The following SLC6A20 variants were observed in gnomAD, a reference collection of about 807,000 sequenced individuals.
The protein encoded by SLC6A20 is solute carrier family 6 member 20.
SLC6A20 carries 73 observed loss-of-function variants against 64.3 expected under a neutral mutation model. The ratio of observed to expected loss-of-function variants is 1.14; its 90% CI spans 0.94 to 1.38. SLC6A20 has a LOEUF of 1.38. Among genes scored for constraint, SLC6A20 ranks in the 40% most tolerant of loss-of-function variants. The pLI is 0.00. For missense variants in SLC6A20, 725 were observed against 772.8 expected, an observed-to-expected ratio of 0.94 and a Z score of 0.73; for synonymous variants, 347 against 329.6, an observed-to-expected ratio of 1.05 and a Z score of -0.57.
Position 45,775,957 on chromosome 3 carries a change from T to G in SLC6A20, c.386A>C (p.Asn129Thr). 1 of 1,614,204 alleles carries G rather than the reference T, an allele frequency of 6.2e-7. No individual in the cohort carries two copies. The highest frequency in any genetic ancestry group is 1.1e-5 in the South Asian group (1 of 91,074). Residue 129 changes from asparagine (N) to threonine (T), a missense_variant, in exon 4 of 11, where the codon AAT becomes ACT. Asn to Thr is a moderately conservative substitution (Grantham distance 65). Coordinates refer to ENST00000358525, the MANE Select transcript of SLC6A20 (RefSeq NM_020208.4). ...CTCATCGTAGCCCGTGTGGTTACCA[T>G]TCAGTGGGCAGACAGACCACGGCAG... ...DPLPWSVCPL[N>T]GNHTGYDEEC...
In SLC6A20 at chr3:45,782,186, C is replaced by T. The variant is rs1553664042; in HGVS notation, c.159G>A (p.Val53=). The change falls in exon 2 of 11, where the codon GTG becomes GTA. Residue 53 remains valine, a synonymous_variant. Coordinates refer to ENST00000358525, the MANE Select transcript of SLC6A20 (RefSeq NM_020208.4). ...FLVPYIIMLI[V]EGMPLLYLEL... is the part of the protein sequence containing the mutation. The stretch of plus-strand genomic sequence containing the variant: ...CCAGGTACAAGAGCGGCATTCCCTC[C>T]ACGATAAGCATGATGATGTAGGGGA... 10 of 1,613,934 alleles carry T rather than the reference C, an allele frequency of 6.2e-6. No individual in the cohort carries two copies. In the South Asian group the frequency reaches 1.1e-4, roughly 18 times the overall value.
intron 3 of SLC6A20, among the ~76,000 whole-genome samples, chr3:45,779,401 T>C (rs1317181581): frequency 6.6e-6 from 1 of 152,222 alleles, no homozygotes; most frequent in African/African-American, 2.4e-5. Context: ...CCCCTTCCAC[T>C]TTTCTACAGA....
At chr3:45,791,231 T>A (rs1015156183) in intron 1 of SLC6A20, among the ~76,000 whole-genome samples, 2 of 152,216 alleles carry the variant, frequency 1.3e-5, no homozygotes, top group African/African-American at 2.4e-5. Context: ...ATTTACTGAA[T>A]GACTTAAATT....
In SLC6A20 at chr3:45,765,696, T is replaced by C; in HGVS notation, c.1144A>G (p.Ile382Val). Residue 382 changes from isoleucine to valine, a missense_variant, in exon 8 of 11, where the codon ATT becomes GTT. Ile to Val is a conservative substitution (Grantham distance 29). Coordinates refer to ENST00000358525, the MANE Select transcript of SLC6A20 (RefSeq NM_020208.4). The surrounding 1 kb of genome is among the most constrained non-coding windows in gnomAD (Gnocchi z 4.2). ...AGCTGGGACACCTCCATGTTTTTAATGGCCTCTGTGTAGACGATGAATGCC... is the reference window on the plus strand; with the variant it reads ...AGCTGGGACACCTCCATGTTTTTAACGGCCTCTGTGTAGACGATGAATGCC... ...GLAFIVYTEA[I>V]KNMEVSQLWS... The C allele has an allele frequency of 6.2e-7, 1 of 1,614,212 alleles. No homozygotes were observed. Among genetic ancestry groups the C allele is most frequent in the Non-Finnish European group, 8.5e-7 (1 of 1,180,042 alleles).
chr3:45,771,592 C>G, intron 5 of SLC6A20, 134 bp from the exon 6 acceptor site: 2 of 1,411,818 alleles, frequency 1.4e-6, no homozygotes, highest in Non-Finnish European at 1.9e-6. Context: ...ACCCCTAGGG[C>G]TGGAGACCAG....
In SLC6A20 at chr3:45,760,002, G is replaced by A; in HGVS notation, c.1484C>T (p.Ala495Val). The A allele has an allele frequency of 6.2e-7, 1 of 1,611,126 alleles. No homozygotes were observed. The highest frequency in any genetic ancestry group is 8.5e-7 in the Non-Finnish European group (1 of 1,179,134). ...CCAGCTCACAGCTCGGCCGGTCATG[G>A]CCTTAAGGTCACTTTCAAATCTATT... ...GLRRFESDLK[A>V]MTGRAVSWYW... The change falls in exon 10 of 11, where the codon GCC (alanine) becomes GTC (valine). Residue 495 changes from alanine to valine, a missense_variant. Coordinates refer to ENST00000358525, the MANE Select transcript of SLC6A20 (RefSeq NM_020208.4).
rs1699596782 is a variant in SLC6A20, at chr3:45,758,913, C to T, written c.*65G>A. On this transcript the variant is annotated 3_prime_UTR_variant, in exon 11 of 11. Coordinates refer to ENST00000358525, the MANE Select transcript of SLC6A20 (RefSeq NM_020208.4). ...CTCCTGGCTTAAGCATTTGAAAAAGCAGCCGAGGAGTTTCCGCCTGTAAAT... is the reference window on the plus strand; with the variant it reads ...CTCCTGGCTTAAGCATTTGAAAAAGTAGCCGAGGAGTTTCCGCCTGTAAAT... 2 of 1,505,150 alleles carry T rather than the reference C, an allele frequency of 1.3e-6. No individual in the cohort carries two copies. Among genetic ancestry groups the T allele is most frequent in the East Asian group, 2.3e-5 (1 of 42,844 alleles). 93.2% of individuals were successfully genotyped at this position (1,505,150 alleles called of 1,614,324 possible). A position where few individuals can be genotyped will look rare whatever the true frequency, so the allele number is the denominator to read the frequency against.
In SLC6A20 at chr3:45,756,473, CA is replaced by C. The variant is rs1699545239; in HGVS notation, c.*2504del. The C allele has an allele frequency of 6.6e-6, 1 of 152,168 alleles. No individual in the cohort carries two copies. Among genetic ancestry groups the C allele is most frequent in the Admixed American group, 6.5e-5 (1 of 15,284 alleles). The allele number at this position is 152,168 out of a possible 1,614,324, so 9.4% of individuals were successfully genotyped here. On this transcript the variant is annotated 3_prime_UTR_variant, in exon 11 of 11. Coordinates refer to ENST00000358525, the MANE Select transcript of SLC6A20 (RefSeq NM_020208.4). Reference sequence around the variant, plus strand: ...TCCATGGGGTACATGCTGGTTCATACATTTGAAAGTCAAATGTATGATAACT... The same window carrying C: ...TCCATGGGGTACATGCTGGTTCATACTTTGAAAGTCAAATGTATGATAACT...
intron 7 of SLC6A20, among the ~76,000 whole-genome samples, chr3:45,767,103 T>C (rs1699790302): frequency 6.6e-6 from 1 of 152,234 alleles, no homozygotes; most frequent in African/African-American, 2.4e-5. Context: ...CTCAGGGGCA[T>C]ACTGAAAATA....
chr3:45,760,272 G>A lies in SLC6A20; in HGVS notation c.1464-250C>T, dbSNP rs1353683702. 3.3e-5 allele frequency among the ~76,000 whole-genome samples: 5 copies of A among 152,220 alleles called. No individual in the cohort carries two copies. In the East Asian group the frequency reaches 9.6e-4, roughly 29 times the overall value. Reference sequence around the variant, plus strand: ...CCGCAGAGAGTGGACATCAGAAGACGCCTTCCTAATGCCAGCCTTCAGATG... The same window carrying A: ...CCGCAGAGAGTGGACATCAGAAGACACCTTCCTAATGCCAGCCTTCAGATG... On this transcript the variant is annotated intron_variant, in intron 9 of 10. Transcript: ENST00000358525.
chr3:45,768,503 G>A (rs1463934184), intron 7 of SLC6A20, among the ~76,000 whole-genome samples: 1 of 152,214 alleles, frequency 6.6e-6, no homozygotes, highest in Non-Finnish European at 1.5e-5. Flanking sequence ...AGGACCTCAT[G>A]GGTCACCTGA....
In SLC6A20 at chr3:45,761,101, C is replaced by T. The variant is rs181238024; in HGVS notation, c.1464-1079G>A. ...ACCACCTGCCCTTTGCTGCTGCTGA[C>T]GTAGTTGGACTCTAGGCTGCAGGCC... On this transcript the variant is annotated intron_variant, in intron 9 of 10. Transcript: ENST00000358525. Among the ~76,000 whole-genome samples the T allele has an allele frequency of 4.9e-4, 75 of 152,298 alleles. 1 individual carries two copies. Among genetic ancestry groups the T allele is most frequent in the Admixed American group, 3.3e-4 (5 of 15,306 alleles).
intron 1 of SLC6A20, among the ~76,000 whole-genome samples, chr3:45,790,820 G>A (rs1489517615): frequency 1.3e-5 from 2 of 152,168 alleles, no homozygotes. Context: ...TTAGGGACAT[G>A]CTGACTCCTT....
At chr3:45,777,156 C>T (rs1699982058) in intron 3 of SLC6A20, among the ~76,000 whole-genome samples, 2 of 152,196 alleles carry the variant, frequency 1.3e-5, no homozygotes, top group South Asian at 4.1e-4. Context: ...GCAAGTCTGA[C>T]CACCCCACTG....
At chr3:45,784,436 G>C (rs1359173567) in intron 1 of SLC6A20, among the ~76,000 whole-genome samples, 1 of 152,180 alleles carries the variant, frequency 6.6e-6, no homozygotes, top group Non-Finnish European at 1.5e-5. Flanking sequence ...ATGAACTTGA[G>C]TTTGAGGCAA....
At chr3:45,770,422 C>T (rs1477928694) in intron 6 of SLC6A20, 51 bp from the exon 7 acceptor site, 9 of 1,596,686 alleles carry the variant, frequency 5.6e-6, no homozygotes, top group Non-Finnish European at 6.8e-6. Flanking sequence ...AGGCAGCTGT[C>T]ACCAAAGCCT....
rs144232352 is a variant in SLC6A20, at chr3:45,785,498, G to A, written c.122-3275C>T. On this transcript the variant is annotated intron_variant, in intron 1 of 10. Transcript: ENST00000358525. ...TGGATGCTTCCTGCCGTTGAACATCGGACTGCAAGTTCTTCAGTTTTGGGA... is the reference window on the plus strand; with the variant it reads ...TGGATGCTTCCTGCCGTTGAACATCAGACTGCAAGTTCTTCAGTTTTGGGA... 9.7e-4 allele frequency among the ~76,000 whole-genome samples: 147 copies of A among 152,172 alleles called. 1 individual carries two copies. The highest frequency in any genetic ancestry group is 3.3e-3 in the African/African-American group (137 of 41,494).
intron 7 of SLC6A20, among the ~76,000 whole-genome samples, chr3:45,767,494 G>T (rs1699796120): frequency 6.6e-6 from 1 of 151,836 alleles, no homozygotes; most frequent in African/African-American, 2.4e-5. Flanking sequence ...ATCCAGAAAT[G>T]AATCAATAAA....
chr3:45,763,104 C>T, intron 8 of SLC6A20, 32 bp from the exon 9 acceptor site: 1 of 1,611,842 alleles, frequency 6.2e-7, no homozygotes, highest in South Asian at 1.1e-5. Context: ...GCTCACCTGC[C>T]CGAGACCCCC....
Sources: gnomAD v4.1 joint callset for allele counts (sites outside exome capture counted in the v4.1 genomes callset) on GRCh38, gnomAD v4.1.1 for gene constraint, Gnocchi (gnomAD v3.1) non-coding constraint, MANE v1.5 for transcripts, NCBI Gene and HGNC (gene_info 2026-07-23, HGNC 2026-07-21) for gene names.